ARHGEF3: variants seen among roughly 807,000 people sequenced by gnomAD.
ARHGEF3 encodes Rho guanine nucleotide exchange factor 3.
Under a neutral mutation model 63.2 loss-of-function variants are expected in ARHGEF3, and 28 were observed. The ratio of observed to expected loss-of-function variants is 0.44; its 90% CI spans 0.33 to 0.61. The LOEUF is 0.61. Among genes scored for constraint, ARHGEF3 ranks in the 20% least tolerant of loss-of-function variants. ARHGEF3 has a pLI of 0.03. For missense variants in ARHGEF3, 533 were observed against 659.3 expected (o/e 0.81, Z 2.10); for synonymous variants, 266 against 254.2 (o/e 1.05, Z -0.44).
chr3:56,799,965 T>C (rs1348397025), intron 1 of ARHGEF3, among the ~76,000 whole-genome samples: 1 of 152,154 alleles, frequency 6.6e-6, no homozygotes, highest in Admixed American at 6.5e-5. Flanking sequence ...GATATCCCCA[T>C]ACGAGGAAAA....
intron 2 of ARHGEF3, among the ~76,000 whole-genome samples, chr3:57,011,932 G>A (rs1271623609): frequency 6.6e-6 from 1 of 152,176 alleles, no homozygotes; most frequent in African/African-American, 2.4e-5. Flanking sequence ...GTGGGGTCTG[G>A]TTAGGTGGAA....
chr3:56,747,080 G>C (rs1048561631), intron 6 of ARHGEF3, among the ~76,000 whole-genome samples: 6 of 118,744 alleles, frequency 5.1e-5, no homozygotes, highest in Non-Finnish European at 1.1e-4. Context: ...GAGAGAGAGA[G>C]AGAGAGAGAG....
At chr3:57,014,575 C>G (rs1026919032) in intron 2 of ARHGEF3, among the ~76,000 whole-genome samples, 1 of 152,166 alleles carries the variant, frequency 6.6e-6, no homozygotes, top group Non-Finnish European at 1.5e-5. Flanking sequence ...AATTAGAAAA[C>G]TATATTTCTT....
At chr3:56,909,099 T>C (rs2041782917) in intron 3 of ARHGEF3, among the ~76,000 whole-genome samples, 1 of 152,160 alleles carries the variant, frequency 6.6e-6, no homozygotes, top group Non-Finnish European at 1.5e-5. Flanking sequence ...CTGGAGTAAT[T>C]TCTTAAGAGA....
At chr3:57,004,331 G>A (rs1191618180) in intron 2 of ARHGEF3, among the ~76,000 whole-genome samples, 3 of 152,200 alleles carry the variant, frequency 2.0e-5, no homozygotes, top group African/African-American at 2.4e-5. Flanking sequence ...GTCCACATTT[G>A]CAAGAGATAA....
At chr3:57,074,015 A>G (rs751418684) in intron 1 of ARHGEF3, 1 of 1,614,142 alleles carries the variant, frequency 6.2e-7, no homozygotes, top group South Asian at 1.1e-5. Context: ...GACCCTCTTC[A>G]CCTCCAGCTC....
intron 2 of ARHGEF3, among the ~76,000 whole-genome samples, chr3:56,979,945 C>T (rs1701263096): frequency 6.6e-6 from 1 of 152,118 alleles, no homozygotes; most frequent in South Asian, 2.1e-4. Context: ...GAAGCAAGGG[C>T]TCTGGAACCA....
rs544650525 is a variant in ARHGEF3 at position 56,989,339 on chromosome 3, C to T, written c.63-30450G>A. Among the ~76,000 whole-genome samples, 6 of 152,124 alleles carry T rather than the reference C, an allele frequency of 3.9e-5. No homozygotes were observed. The South Asian group carries it at 1.2e-3, about 32-fold the overall frequency. On this transcript the variant is annotated intron_variant, in intron 2 of 12. Transcript: ENST00000338458. ...AGAAATGGCCCTGTGGATGCTGTAG[C>T]GTGACATCTGCCTCAGAGAATACAA...
intron 8 of ARHGEF3, among the ~76,000 whole-genome samples, chr3:56,736,049 AAC>A (rs10530565): frequency 0.022 from 3,227 of 147,030 alleles, 48 homozygotes; most frequent in Middle Eastern, 0.045. Flanking sequence ...CAGAAATTTA[AAC>A]ACACACACAC....
intron 3 of ARHGEF3, among the ~76,000 whole-genome samples, chr3:56,941,661 C>T (rs910746471): frequency 6.6e-6 from 1 of 152,164 alleles, no homozygotes; most frequent in African/African-American, 2.4e-5. Flanking sequence ...AGGCAATACA[C>T]ACTCTCTTTA....
intron 3 of ARHGEF3, among the ~76,000 whole-genome samples, chr3:56,926,396 C>T (rs1398613119): frequency 6.6e-6 from 1 of 152,238 alleles, no homozygotes; most frequent in Non-Finnish European, 1.5e-5. Context: ...AGAACAGCTG[C>T]ATGACCAGAT....
intron 2 of ARHGEF3, among the ~76,000 whole-genome samples, chr3:57,003,912 C>T (rs887113336): frequency 6.6e-6 from 1 of 152,228 alleles, no homozygotes; most frequent in Non-Finnish European, 1.5e-5. Flanking sequence ...CCCAGTGAGA[C>T]TGCATGGAGA....
chr3:56,867,693 G>A (rs1251975659), intron 4 of ARHGEF3, among the ~76,000 whole-genome samples: 1 of 152,048 alleles, frequency 6.6e-6, no homozygotes, highest in Non-Finnish European at 1.5e-5. Context: ...TTGGTCTCGA[G>A]CTCCTGAGCT....
rs59545488 is a variant in ARHGEF3, at chr3:56,733,331, CGGGGGGGGGGG to C, written c.1042-918_1042-908del. ...AACTAGCCAGGCGAGGTGGGCGGGG[CGGGGGGGGGGG>C]GGGGGCGCCTGTAATCCCAGCTACT... On this transcript the variant is annotated intron_variant, in intron 8 of 9. Transcript: ENST00000296315. Among the ~76,000 whole-genome samples the C allele has an allele frequency of 2.1e-3, 7 of 3,350 alleles. 1 individual carries two copies. The highest frequency in any genetic ancestry group is 4.2e-3 in the African/African-American group (5 of 1,188). The allele number at this position is 3,350 out of a possible 152,430, so 2.2% of individuals were successfully genotyped here. A position where few individuals can be genotyped will look rare whatever the true frequency, so the allele number is the denominator to read the frequency against.
chr3:56,985,796 ACT>A (rs1349359401), intron 2 of ARHGEF3, among the ~76,000 whole-genome samples: 2 of 152,172 alleles, frequency 1.3e-5, no homozygotes, highest in African/African-American at 4.8e-5. Context: ...GAAGGCACAG[ACT>A]CTAACAAATG....
intron 4 of ARHGEF3, among the ~76,000 whole-genome samples, chr3:56,848,804 A>G (rs968852995): frequency 6.6e-5 from 10 of 152,104 alleles, no homozygotes; most frequent in Non-Finnish European, 1.2e-4. Flanking sequence ...AGTAGCTGGG[A>G]TTACAGGTGC....
intron 3 of ARHGEF3, among the ~76,000 whole-genome samples, chr3:56,893,775 C>T (rs1385817050): frequency 2.2e-4 from 29 of 134,158 alleles, no homozygotes; most frequent in Admixed American, 1.9e-3. Context: ...CACTGCACTC[C>T]AGCCTGGGTG....
intron 8 of ARHGEF3, among the ~76,000 whole-genome samples, chr3:56,736,929 C>T (rs1165838291): frequency 6.6e-6 from 1 of 151,996 alleles, no homozygotes; most frequent in East Asian, 1.9e-4. Context: ...CCTGTCTCTA[C>T]TAAAAAAATA....
chr3:56,861,543 G>A (rs187038106), intron 4 of ARHGEF3, among the ~76,000 whole-genome samples: 2 of 152,234 alleles, frequency 1.3e-5, no homozygotes, highest in East Asian at 1.9e-4. Context: ...TAAAGCAGAG[G>A]CTTCAAAGTT....
Sources: gnomAD v4.1 joint callset for allele counts (sites outside exome capture counted in the v4.1 genomes callset) on GRCh38, gnomAD v4.1.1 for gene constraint, MANE v1.5 for transcripts, NCBI Gene and HGNC (gene_info 2026-07-23, HGNC 2026-07-21) for gene names.